The following CCDC69 variants were observed in gnomAD, a reference collection of about 807,000 sequenced individuals.
CCDC69 encodes coiled-coil domain containing 69.
Under a neutral mutation model 40.3 loss-of-function variants are expected in CCDC69, and 38 were observed. The ratio of observed to expected loss-of-function variants is 0.94; its 90% confidence interval spans 0.73 to 1.24. CCDC69 has a LOEUF of 1.24. Ranked by LOEUF, CCDC69 falls within the 50% of genes most tolerant of loss-of-function variation. The pLI is 0.00. For synonymous variants in CCDC69, 141 were observed against 138.9 expected (o/e 1.02, Z -0.11); for missense variants, 389 against 357.9 (o/e 1.09, Z -0.70).
intron 1 of CCDC69, among the ~76,000 whole-genome samples, chr5:151,206,201 G>A (rs1752851347): frequency 6.6e-6 from 1 of 152,176 alleles, no homozygotes; most frequent in South Asian, 2.1e-4. Context: ...TTATTGTAAA[G>A]GATAGTACGA....
Position 151,216,945 on chromosome 5 carries a change from T to C in CCDC69, c.48+6978A>G, listed in dbSNP as rs146425652. 5.2e-3 allele frequency among the ~76,000 whole-genome samples: 787 copies of C among 151,776 alleles called. 4 individuals are homozygous for C. The highest frequency in any genetic ancestry group is 0.017 in the Middle Eastern group (5 of 294). On this transcript the variant is annotated intron_variant, in intron 1 of 8. Coordinates refer to ENST00000355417, the MANE Select transcript of CCDC69 (RefSeq NM_015621.3). Reference sequence around the variant, plus strand: ...GGTTGGGAAGGACGTGTGTGTGGGGTGCGGGGAATGAAGAAAGGCTGGTCA... The same window carrying C: ...GGTTGGGAAGGACGTGTGTGTGGGGCGCGGGGAATGAAGAAAGGCTGGTCA...
intron 1 of CCDC69, among the ~76,000 whole-genome samples, chr5:151,209,588 T>G (rs1158408096): frequency 2.7e-5 from 4 of 148,418 alleles, no homozygotes; most frequent in Non-Finnish European, 4.5e-5. Flanking sequence ...TCTTCTGTCT[T>G]TTTTTTTTTG....
rs1766665704 is a variant in CCDC69 at position 151,182,991 on chromosome 5, G to T, written c.*446C>A. Reference sequence around the variant, plus strand: ...GTCCCCCCACCATTTTAATGCAGGGGTAAACTGAGGCTCTGAGCAGGCCAG... The same window carrying T: ...GTCCCCCCACCATTTTAATGCAGGGTTAAACTGAGGCTCTGAGCAGGCCAG... On this transcript the variant is annotated 3_prime_UTR_variant, in exon 9 of 9. Transcript: ENST00000355417. 1 of 456,946 alleles carries T rather than the reference G, an allele frequency of 2.2e-6. No individual in the cohort carries two copies. The highest frequency in any genetic ancestry group is 4.4e-6 in the Non-Finnish European group (1 of 227,176). The allele number at this position is 456,946 out of a possible 1,614,324, so 28.3% of individuals were successfully genotyped here.
At chr5:151,201,462 G>A in intron 3 of CCDC69, 120 bp downstream of exon 3, 1 of 631,356 alleles carries the variant, frequency 1.6e-6, no homozygotes, top group Non-Finnish European at 2.8e-6. Flanking sequence ...CTCCCTTCCT[G>A]GTAAAATGAG....
In CCDC69 at chr5:151,182,615, G is replaced by C. The variant is rs111401438; in HGVS notation, c.*822C>G. ...GGTTTCCTCATCTGTGCAGGGATGA[G>C]GTTCCAGCTCTGATAGATGAATGGA... On this transcript the variant is annotated 3_prime_UTR_variant, in exon 9 of 9. Coordinates refer to ENST00000355417, the MANE Select transcript of CCDC69 (RefSeq NM_015621.3). 6.4e-3 allele frequency: 1,423 copies of C among 221,664 alleles called. 10 individuals carry two copies. The highest frequency in any genetic ancestry group is 9.5e-3 in the Non-Finnish European group (1,034 of 109,344). The allele number at this position is 221,664 out of a possible 1,614,324, so 13.7% of individuals were successfully genotyped here.
intron 6 of CCDC69, 56 bp downstream of exon 6, chr5:151,185,967 G>T: frequency 1.6e-6 from 2 of 1,225,704 alleles, no homozygotes; most frequent in Non-Finnish European, 2.4e-6. Flanking sequence ...CTGTTGCCCG[G>T]CCCTGACCTC....
intron 1 of CCDC69, among the ~76,000 whole-genome samples, chr5:151,208,294 T>C (rs10060349): frequency 0.065 from 9,848 of 152,242 alleles, 304 homozygotes; most frequent in East Asian, 0.1. Context: ...ATGAAGAGGC[T>C]ATGAAAATGT....
Position 151,182,973 on chromosome 5 carries a change from C to A in CCDC69, c.*464G>T. Reference sequence around the variant, plus strand: ...ATAAGAGTCCTTTGACCAGTCCCCCCACCATTTTAATGCAGGGGTAAACTG... The same window carrying A: ...ATAAGAGTCCTTTGACCAGTCCCCCAACCATTTTAATGCAGGGGTAAACTG... On this transcript the variant is annotated 3_prime_UTR_variant, in exon 9 of 9. Coordinates refer to ENST00000355417, the MANE Select transcript of CCDC69 (RefSeq NM_015621.3). The A allele has an allele frequency of 2.2e-6, 1 of 451,920 alleles. No individual in the cohort carries two copies. The highest frequency in any genetic ancestry group is 1.6e-5 in the South Asian group (1 of 64,116). The allele number at this position is 451,920 out of a possible 1,614,324, so 28.0% of individuals were successfully genotyped here.
At chr5:151,203,774 ATAC>A (rs1282193858) in intron 2 of CCDC69, among the ~76,000 whole-genome samples, 1 of 138,028 alleles carries the variant, frequency 7.2e-6, no homozygotes, top group African/African-American at 2.7e-5. Flanking sequence ...TAGTATATAT[ATAC>A]TAATAAATAA....
chr5:151,212,967 G>A, intron 1 of CCDC69: 1 of 443,524 alleles, frequency 2.3e-6, no homozygotes, highest in Non-Finnish European at 4.6e-6. Flanking sequence ...AGAAGAGGTT[G>A]GAGAGTCAAA....
rs5872193 is a variant in CCDC69, at chr5:151,202,190, TAAAAAAAAAAAAAA to T, written c.125-516_125-503del. Among the ~76,000 whole-genome samples, 131 of 111,572 alleles carry T rather than the reference TAAAAAAAAAAAAAA, an allele frequency of 1.2e-3. 1 individual carries two copies. Among genetic ancestry groups the T allele is most frequent in the African/African-American group, 4.1e-3 (119 of 29,250 alleles). The allele number at this position is 111,572 out of a possible 152,430, so 73.2% of individuals were successfully genotyped here. On this transcript the variant is annotated intron_variant, in intron 2 of 8. Transcript: ENST00000355417. Reference sequence around the variant, plus strand: ...AGGAAACATAGTGAGACCCTATCTCTAAAAAAAAAAAAAAAAAAAAAAAAGCTGGGCATGATGGC... The same window carrying T: ...AGGAAACATAGTGAGACCCTATCTCTAAAAAAAAAAGCTGGGCATGATGGC...
chr5:151,211,870 A>G (rs1179625198), intron 1 of CCDC69, among the ~76,000 whole-genome samples: 1 of 152,030 alleles, frequency 6.6e-6, no homozygotes, highest in Non-Finnish European at 1.5e-5. Context: ...TAGTGCACAC[A>G]AAAGCCTGAG....
intron 4 of CCDC69, 103 bp downstream of exon 4, chr5:151,198,894 C>A: frequency 2.4e-6 from 2 of 841,744 alleles, no homozygotes; most frequent in South Asian, 1.4e-5. Flanking sequence ...GTGGATCAGA[C>A]AGACAGGGAG....
chr5:151,199,154 C>A, intron 3 of CCDC69, 70 bp from the exon 4 acceptor site: 1 of 1,296,640 alleles, frequency 7.7e-7, no homozygotes, highest in Non-Finnish European at 1.1e-6. Context: ...ATCCCCTCAC[C>A]TGGGCCTACG....
Position 151,184,243 on chromosome 5 carries a change from C to T in CCDC69, c.713+101G>A, listed in dbSNP as rs138834467. 6,820 of 850,112 alleles carry T rather than the reference C, an allele frequency of 8.0e-3. 51 individuals carry two copies. Among genetic ancestry groups the T allele is most frequent in the Middle Eastern group, 0.036 (99 of 2,774 alleles). 52.7% of individuals were successfully genotyped at this position (850,112 alleles called of 1,614,324 possible). On this transcript the variant is annotated intron_variant, in intron 8 of 8. Coordinates refer to ENST00000355417, the MANE Select transcript of CCDC69 (RefSeq NM_015621.3). ...ACATTCCCTAAATAGGCCCTGGGCCCACCTGTCAGTCCATTCCTCAGGCCC... is the reference window on the plus strand; with the variant it reads ...ACATTCCCTAAATAGGCCCTGGGCCTACCTGTCAGTCCATTCCTCAGGCCC...
chr5:151,189,292 A>T (rs987427942), intron 4 of CCDC69, among the ~76,000 whole-genome samples: 1 of 152,168 alleles, frequency 6.6e-6, no homozygotes, highest in African/African-American at 2.4e-5. Context: ...TAGAGTTATT[A>T]AGAAGAACCA....
intron 4 of CCDC69, among the ~76,000 whole-genome samples, chr5:151,194,840 C>A (rs1364917367): frequency 7.0e-6 from 1 of 142,990 alleles, no homozygotes; most frequent in Non-Finnish European, 1.5e-5. Flanking sequence ...TGCAGTGAGC[C>A]GAGATCACGC....
intron 4 of CCDC69, among the ~76,000 whole-genome samples, chr5:151,191,382 A>T (rs1752609064): frequency 6.6e-6 from 1 of 152,242 alleles, no homozygotes; most frequent in Non-Finnish European, 1.5e-5. Context: ...TATCTAATTG[A>T]TTTATATCTA....
rs762015512 is a variant in CCDC69 at position 151,194,556 on chromosome 5, G to A, written c.319+4441C>T. 2.0e-3 allele frequency among the ~76,000 whole-genome samples: 306 copies of A among 152,270 alleles called. 1 individual carries two copies. Among genetic ancestry groups the A allele is most frequent in the Non-Finnish European group, 3.7e-3 (250 of 68,012 alleles). The stretch of plus-strand genomic sequence containing the variant: ...GGTATTTTGAGACGGCTTTTTGGGA[G>A]TGATAAAACTGTTGTGTATCCTGAT... On this transcript the variant is annotated intron_variant, in intron 4 of 8. Coordinates refer to ENST00000355417, the MANE Select transcript of CCDC69 (RefSeq NM_015621.3).
Sources: gnomAD v4.1 joint callset for allele counts (sites outside exome capture counted in the v4.1 genomes callset) on GRCh38, gnomAD v4.1.1 for gene constraint, MANE v1.5 for transcripts, NCBI Gene and HGNC (gene_info 2026-07-23, HGNC 2026-07-21) for gene names.